RUNDC3B: variants seen among roughly 807,000 people sequenced by gnomAD.
RUNDC3B encodes the protein RUN domain-containing protein 3B.
In RUNDC3B, 33 loss-of-function variants were observed where a neutral mutation model predicts 58.4. The observed-to-expected ratio is 0.56, with a 90% CI of 0.43 to 0.75. RUNDC3B has a LOEUF of 0.75. Among genes scored for constraint, RUNDC3B ranks in the 30% least tolerant of loss-of-function variants. The pLI is 0.00. For missense variants in RUNDC3B, 501 were observed against 535.7 expected (o/e 0.94, Z 0.64); for synonymous variants, 193 against 195.2 (o/e 0.99, Z 0.10).
intron 8 of RUNDC3B, among the ~76,000 whole-genome samples, chr7:87,781,549 C>T (rs1834923248): frequency 6.6e-6 from 1 of 151,970 alleles, no homozygotes; most frequent in African/African-American, 2.4e-5. Flanking sequence ...AGTGGGTGTC[C>T]TTGTCTTATT....
intron 4 of RUNDC3B, among the ~76,000 whole-genome samples, chr7:87,721,241 T>G (rs190511081): frequency 6.6e-6 from 1 of 151,996 alleles, no homozygotes; most frequent in African/African-American, 2.4e-5. Context: ...TGGGAGGAGA[T>G]AATAAAACAT....
intron 8 of RUNDC3B, among the ~76,000 whole-genome samples, chr7:87,804,466 A>G (rs541261828): frequency 6.6e-6 from 1 of 152,226 alleles, no homozygotes; most frequent in African/African-American, 2.4e-5. Context: ...AAATTATGTT[A>G]TTTTGAGAAG....
At chr7:87,756,727 ATGT>A (rs1193042069) in intron 6 of RUNDC3B, among the ~76,000 whole-genome samples, 2 of 152,116 alleles carry the variant, frequency 1.3e-5, no homozygotes, top group African/African-American at 4.8e-5. Flanking sequence ...CTGACAAATA[ATGT>A]TGTGCCATAG....
chr7:87,680,204 C>T (rs1826787759), intron 2 of RUNDC3B, among the ~76,000 whole-genome samples: 1 of 150,440 alleles, frequency 6.6e-6, no homozygotes, highest in South Asian at 2.1e-4. Context: ...AAGGACATGA[C>T]CTCATCCCTT....
intron 8 of RUNDC3B, among the ~76,000 whole-genome samples, chr7:87,785,337 G>C (rs1835153206): frequency 6.6e-6 from 1 of 152,034 alleles, no homozygotes; most frequent in Admixed American, 6.6e-5. Context: ...AGCTCCCTTG[G>C]CAGCACATGA....
intron 2 of RUNDC3B, among the ~76,000 whole-genome samples, chr7:87,674,317 C>T (rs574475809): frequency 6.6e-6 from 1 of 152,196 alleles, no homozygotes; most frequent in East Asian, 1.9e-4. Flanking sequence ...GTACTGGCAT[C>T]CATGCATGCT....
At position 87,832,056 on chromosome 7, in the gene RUNDC3B, C is replaced by A. The variant is rs575792215; in HGVS notation, c.*2026C>A. 8.8e-4 allele frequency: 134 copies of A among 151,940 alleles called. 1 individual carries two copies. The highest frequency in any genetic ancestry group is 3.2e-3 in the African/African-American group (131 of 41,508). 9.4% of individuals were successfully genotyped at this position (151,940 alleles called of 1,614,324 possible). A position where few individuals can be genotyped will look rare whatever the true frequency, so the allele number is the denominator to read the frequency against. ...TTCTTGGAGATCTTGGTATAAAATT[C>A]ATCTGCTGTTATAAAATCAGGTTTC... On this transcript the variant is annotated 3_prime_UTR_variant, in exon 11 of 11. Transcript: ENST00000394654.
chr7:87,719,916 T>C lies in RUNDC3B; in HGVS notation c.458+9261T>C, dbSNP rs556988348. Among the ~76,000 whole-genome samples the C allele has an allele frequency of 3.3e-5, 5 of 149,684 alleles. No individual in the cohort carries two copies. In the South Asian group the frequency reaches 1.0e-3, roughly 31 times the overall value. On this transcript the variant is annotated intron_variant, in intron 4 of 10. Coordinates refer to ENST00000394654, the MANE Select transcript of RUNDC3B (RefSeq NM_001134405.2). ...AGATGAATTTCTATATAACCCTATG[T>C]AGGTAAAATTCTTCTAAGTCTGAAT...
At chr7:87,653,978 C>T (rs1051937143) in intron 2 of RUNDC3B, among the ~76,000 whole-genome samples, 2 of 151,962 alleles carry the variant, frequency 1.3e-5, no homozygotes, top group Admixed American at 1.3e-4. Flanking sequence ...AAAAATTGAA[C>T]TATAGCTTAT....
chr7:87,725,786 A>G (rs1831192689), intron 4 of RUNDC3B, among the ~76,000 whole-genome samples: 1 of 152,156 alleles, frequency 6.6e-6, no homozygotes, highest in Non-Finnish European at 1.5e-5. Context: ...CGCCATTCTA[A>G]CTGGTGTGAG....
At position 87,628,877 on chromosome 7, in the gene RUNDC3B, A is replaced by G; in HGVS notation, c.54A>G (p.Gly18=). 7.7e-7 allele frequency: 1 copy of G among 1,291,840 alleles called. No homozygotes were observed. The highest frequency in any genetic ancestry group is 9.9e-7 in the Non-Finnish European group (1 of 1,012,612). 80.0% of individuals were successfully genotyped at this position (1,291,840 alleles called of 1,614,324 possible). The change falls in exon 1 of 11, where the codon GGA becomes GGG. Residue 18 remains glycine (G), a synonymous_variant. Transcript: ENST00000394654. ...GLSGIRGGGG[G]GGKKSLSARN... ...GCGGGATCCGCGGCGGTGGCGGCGG[A>G]GGCGGCAAGAAAAGCCTGAGCGCCC...
chr7:87,653,236 T>C (rs1823757135), intron 2 of RUNDC3B, among the ~76,000 whole-genome samples: 1 of 152,066 alleles, frequency 6.6e-6, no homozygotes, highest in Non-Finnish European at 1.5e-5. Flanking sequence ...TTTGAACTTT[T>C]ATTTATTTAT....
chr7:87,710,440 ATT>A, intron 3 of RUNDC3B, 128 bp from the exon 4 acceptor site: 1 of 602,588 alleles, frequency 1.7e-6, no homozygotes, highest in Non-Finnish European at 2.9e-6. Flanking sequence ...CTACTTAAAC[ATT>A]TTTCTTAGTC....
intron 6 of RUNDC3B, among the ~76,000 whole-genome samples, chr7:87,751,786 A>G (rs769536011): frequency 5.3e-5 from 8 of 152,192 alleles, no homozygotes; most frequent in South Asian, 4.1e-4. Context: ...GGCTGAGACA[A>G]TGGGGTTTTC....
intron 8 of RUNDC3B, among the ~76,000 whole-genome samples, chr7:87,794,466 C>T (rs1053465005): frequency 3.3e-5 from 5 of 151,786 alleles, no homozygotes; most frequent in African/African-American, 1.2e-4. Flanking sequence ...ACCTGTAAAA[C>T]ACTAATGAAA....
At chr7:87,636,879 T>C (rs1278176255) in intron 1 of RUNDC3B, among the ~76,000 whole-genome samples, 2 of 152,160 alleles carry the variant, frequency 1.3e-5, no homozygotes, top group African/African-American at 4.8e-5. Context: ...TTTAATTGAT[T>C]CATTGGTCTG....
intron 4 of RUNDC3B, among the ~76,000 whole-genome samples, chr7:87,712,801 C>CACAA (rs533160703): frequency 8.2e-4 from 124 of 152,006 alleles, no homozygotes; most frequent in African/African-American, 2.9e-3. Context: ...CATGGCTTGG[C>CACAA]GTACAATGTC....
intron 2 of RUNDC3B, among the ~76,000 whole-genome samples, chr7:87,693,593 C>T (rs752922665): frequency 2.6e-5 from 4 of 152,136 alleles, no homozygotes; most frequent in Non-Finnish European, 5.9e-5. Context: ...CTATTCTACT[C>T]ATCAGTTTAT....
At chr7:87,683,276 G>A (rs544619595) in intron 2 of RUNDC3B, among the ~76,000 whole-genome samples, 128 of 152,220 alleles carry the variant, frequency 8.4e-4, no homozygotes, top group African/African-American at 3.0e-3. Context: ...TCAGCAATAA[G>A]GCTCTTTCAC....
Sources: allele counts gnomAD v4.1 joint callset (sites outside exome capture counted in the v4.1 genomes callset), GRCh38; gene constraint gnomAD v4.1.1; transcripts MANE v1.5; gene names NCBI Gene and HGNC (gene_info 2026-07-23, HGNC 2026-07-21).